Variants in GSK3B observed in about 807,000 individuals in gnomAD.
GSK3B encodes glycogen synthase kinase-3 beta.
Under a neutral mutation model 56.4 loss-of-function variants are expected in GSK3B, and 15 were observed. The ratio of observed to expected loss-of-function variants is 0.27; its 90% confidence interval spans 0.18 to 0.41. The LOEUF is 0.41. Among genes scored for constraint, GSK3B ranks in the 10% least tolerant of loss-of-function variants. The pLI, the probability that GSK3B is intolerant of heterozygous loss-of-function variation, is 1.00. For synonymous variants in GSK3B, 181 were observed against 188.9 expected, an observed-to-expected ratio of 0.96 and a Z score of 0.34; for missense variants, 300 against 513.4, an observed-to-expected ratio of 0.58 and a Z score of 4.02.
At chr3:119,865,282 T>A (rs1181362417) in intron 8 of GSK3B, among the ~76,000 whole-genome samples, 1 of 151,558 alleles carries the variant, frequency 6.6e-6, no homozygotes, top group Admixed American at 6.6e-5. Flanking sequence ...ATAAGTGGAA[T>A]TAAAAGTAGC....
rs1409121946 is a variant in GSK3B, at chr3:119,822,693, GAC to G, written c.*4093_*4094del. ...AGTGGCTCAGGTTTCTACCAGAAAAGACAGATTTTATTGTAAAGCATACCTAC... is the reference window on the plus strand; with the variant it reads ...AGTGGCTCAGGTTTCTACCAGAAAAGAGATTTTATTGTAAAGCATACCTAC... On this transcript the variant is annotated 3_prime_UTR_variant, in exon 11 of 11. Coordinates refer to ENST00000264235, the MANE Select transcript of GSK3B (RefSeq NM_001146156.2). The G allele has an allele frequency of 4.4e-6, 1 of 228,790 alleles. No homozygotes were observed. The highest frequency in any genetic ancestry group is 2.2e-5 in the African/African-American group (1 of 45,052). 14.2% of individuals were successfully genotyped at this position (228,790 alleles called of 1,614,324 possible). A position where few individuals can be genotyped will look rare whatever the true frequency, so the allele number is the denominator to read the frequency against.
At chr3:120,031,426 C>G (rs769094658) in intron 1 of GSK3B, among the ~76,000 whole-genome samples, 1 of 151,006 alleles carries the variant, frequency 6.6e-6, no homozygotes. Flanking sequence ...GGAAGCAGGG[C>G]CCTGGAAAGG....
intron 10 of GSK3B, among the ~76,000 whole-genome samples, chr3:119,841,130 C>A (rs962059815): frequency 6.6e-6 from 1 of 152,150 alleles, no homozygotes; most frequent in Non-Finnish European, 1.5e-5. Context: ...GGAGTAAACT[C>A]TCAGAGTCAA....
At chr3:119,881,934 C>T (rs2056383521) in intron 7 of GSK3B, among the ~76,000 whole-genome samples, 1 of 152,156 alleles carries the variant, frequency 6.6e-6, no homozygotes, top group Admixed American at 6.6e-5. Context: ...CTCTTGACTG[C>T]CGCCATCCAT....
intron 1 of GSK3B, among the ~76,000 whole-genome samples, chr3:120,003,614 G>A (rs1379498674): frequency 6.6e-6 from 1 of 151,976 alleles, no homozygotes; most frequent in African/African-American, 2.4e-5. Flanking sequence ...TTTTCTCTGT[G>A]AAATATAAAT....
chr3:119,871,142 C>CT lies in GSK3B; in HGVS notation c.909+5270dup, dbSNP rs557084181. The stretch of plus-strand genomic sequence containing the variant: ...TTAAAAAGAAATAAGTACAGTGGGG[C>CT]TTTTTGGTTCAGCTGTAAGCATAGA... On this transcript the variant is annotated intron_variant, in intron 8 of 10. Coordinates refer to ENST00000264235, the MANE Select transcript of GSK3B (RefSeq NM_001146156.2). Among the ~76,000 whole-genome samples, 26 of 152,276 alleles carry CT rather than the reference C, an allele frequency of 1.7e-4. No homozygotes were observed. The South Asian group carries it at 5.4e-3, about 32-fold the overall frequency.
intron 1 of GSK3B, among the ~76,000 whole-genome samples, chr3:120,036,523 T>TG (rs1394466651): frequency 6.6e-6 from 1 of 152,182 alleles, no homozygotes; most frequent in Non-Finnish European, 1.5e-5. Flanking sequence ...GGCTGGGCAG[T>TG]GGCTCATGCC....
At chr3:119,843,417 T>A in intron 9 of GSK3B, 64 bp from the exon 10 acceptor site, 2 of 870,564 alleles carry the variant, frequency 2.3e-6, no homozygotes, top group Non-Finnish European at 3.7e-6. Context: ...AACTATTTTA[T>A]TGGTAAGAGT....
intron 1 of GSK3B, among the ~76,000 whole-genome samples, chr3:120,063,299 A>G (rs1371638485): frequency 6.6e-6 from 1 of 152,214 alleles, no homozygotes; most frequent in African/African-American, 2.4e-5. Context: ...TCCGTGGTAA[A>G]ATATCTTTAT....
intron 8 of GSK3B, among the ~76,000 whole-genome samples, chr3:119,865,054 T>C (rs1433057171): frequency 6.6e-6 from 1 of 152,168 alleles, no homozygotes; most frequent in Admixed American, 6.5e-5. Context: ...TGTTTAGCTC[T>C]TCCACTGTTA....
intron 7 of GSK3B, among the ~76,000 whole-genome samples, chr3:119,903,574 T>G (rs1276580802): frequency 6.6e-6 from 1 of 151,748 alleles, no homozygotes. Flanking sequence ...TAGCAGAAAA[T>G]GAATTACAAG....
At chr3:119,933,023 C>T (rs867781724) in intron 3 of GSK3B, among the ~76,000 whole-genome samples, 2 of 152,134 alleles carry the variant, frequency 1.3e-5, no homozygotes, top group East Asian at 1.9e-4. Context: ...GCTTGAACCC[C>T]GGAGGTGGAG....
intron 2 of GSK3B, among the ~76,000 whole-genome samples, chr3:119,956,693 G>C (rs917849054): frequency 2.0e-5 from 3 of 152,136 alleles, no homozygotes; most frequent in African/African-American, 7.2e-5. Context: ...GTAGAACCTA[G>C]ACAGTGGAGT....
chr3:120,085,465 T>C (rs2058455966), intron 1 of GSK3B, among the ~76,000 whole-genome samples: 1 of 152,184 alleles, frequency 6.6e-6, no homozygotes. Context: ...AATCTAGCAT[T>C]AGAAATTCAA....
At chr3:120,075,919 G>A (rs1212168730) in intron 1 of GSK3B, among the ~76,000 whole-genome samples, 1 of 151,850 alleles carries the variant, frequency 6.6e-6, no homozygotes, top group Non-Finnish European at 1.5e-5. Context: ...AACAGCCAAG[G>A]CAATTCTGAG....
At chr3:120,043,140 G>GA (rs1194822926) in intron 1 of GSK3B, among the ~76,000 whole-genome samples, 2 of 152,106 alleles carry the variant, frequency 1.3e-5, no homozygotes, top group African/African-American at 4.8e-5. Flanking sequence ...CATCAAGGAG[G>GA]AAAAACTTGA....
chr3:120,003,362 T>C (rs745874898), intron 1 of GSK3B, among the ~76,000 whole-genome samples: 3 of 152,254 alleles, frequency 2.0e-5, no homozygotes, highest in Non-Finnish European at 4.4e-5. Flanking sequence ...CTACCTAGTA[T>C]CTGATCTAAA....
intron 8 of GSK3B, among the ~76,000 whole-genome samples, chr3:119,868,285 A>G (rs2056207963): frequency 6.6e-6 from 1 of 152,196 alleles, no homozygotes. Flanking sequence ...CACAAATACT[A>G]GCCCATAGAA....
intron 2 of GSK3B, among the ~76,000 whole-genome samples, chr3:119,996,450 T>A (rs1457803524): frequency 6.6e-6 from 1 of 152,238 alleles, no homozygotes; most frequent in Non-Finnish European, 1.5e-5. Flanking sequence ...ATTATTTTAT[T>A]TTCCTGACTC....
Sources: allele counts gnomAD v4.1 joint callset (sites outside exome capture counted in the v4.1 genomes callset), GRCh38; gene constraint gnomAD v4.1.1; transcripts MANE v1.5; gene names NCBI Gene and HGNC (gene_info 2026-07-23, HGNC 2026-07-21).